Variants in MAGI3 observed in about 807,000 individuals in gnomAD.
MAGI3 encodes the protein membrane-associated guanylate kinase, WW and PDZ domain-containing protein 3.
In MAGI3, 43 loss-of-function variants were observed where a neutral mutation model predicts 121.8. That is an observed-to-expected ratio of 0.35 (90% confidence interval 0.28 to 0.46). MAGI3 has a LOEUF of 0.46. MAGI3 is among the 20% of genes least tolerant of loss of function. The probability of loss-of-function intolerance (pLI) is 1.00; values close to 1 mark genes in which losing one functional copy is unlikely to be tolerated. For synonymous variants in MAGI3, 553 were observed against 639.3 expected, an observed-to-expected ratio of 0.86 and a Z score of 2.04; for missense variants, 1,547 against 1,797.3, an observed-to-expected ratio of 0.86 and a Z score of 2.52.
At chr1:113,531,443 C>T (rs1427563382) in intron 1 of MAGI3, among the ~76,000 whole-genome samples, 1 of 152,132 alleles carries the variant, frequency 6.6e-6, no homozygotes, top group Admixed American at 6.5e-5. Flanking sequence ...TTCTACCACC[C>T]TACCTTTGGT....
chr1:113,614,050 G>T (rs191160549), intron 6 of MAGI3, among the ~76,000 whole-genome samples: 224 of 152,266 alleles, frequency 1.5e-3, no homozygotes, highest in African/African-American at 5.3e-3. Context: ...AAAGCACTGT[G>T]GTAGTTAGAT....
chr1:113,450,446 AG>A (rs773417345), intron 1 of MAGI3: 113 of 1,119,116 alleles, frequency 1.0e-4, no homozygotes, highest in Middle Eastern at 4.2e-4. Flanking sequence ...TGGTTATAGT[AG>A]TAGAGGGGGC....
At chr1:113,604,054 C>G (rs966662443) in intron 6 of MAGI3, among the ~76,000 whole-genome samples, 2 of 152,118 alleles carry the variant, frequency 1.3e-5, no homozygotes, top group African/African-American at 4.8e-5. Flanking sequence ...TTAGTACAGC[C>G]TCTATGGAAA....
chr1:113,455,982 G>A (rs1654733299), intron 1 of MAGI3, among the ~76,000 whole-genome samples: 1 of 150,500 alleles, frequency 6.6e-6, no homozygotes, highest in South Asian at 2.1e-4. Context: ...ATGGAGTCTT[G>A]CTCTGTCGCC....
intron 1 of MAGI3, among the ~76,000 whole-genome samples, chr1:113,521,375 C>G (rs1340488130): frequency 6.7e-6 from 1 of 149,442 alleles, no homozygotes; most frequent in African/African-American, 2.5e-5. Flanking sequence ...TGTGAGCCAC[C>G]ACGCCTGGCC....
At chr1:113,626,281 A>G (rs1181872429) in intron 9 of MAGI3, among the ~76,000 whole-genome samples, 1 of 152,188 alleles carries the variant, frequency 6.6e-6, no homozygotes, top group African/African-American at 2.4e-5. Context: ...ATTTGCATAT[A>G]TTGTACCATC....
At chr1:113,638,627 T>TCAG (rs1652215560) in intron 9 of MAGI3, among the ~76,000 whole-genome samples, 1 of 152,218 alleles carries the variant, frequency 6.6e-6, no homozygotes, top group Non-Finnish European at 1.5e-5. Flanking sequence ...ATGTGAGGTG[T>TCAG]CAGTCTGCCC....
At chr1:113,666,222 C>T (rs1428560883) in intron 16 of MAGI3, among the ~76,000 whole-genome samples, 1 of 152,148 alleles carries the variant, frequency 6.6e-6, no homozygotes, top group Non-Finnish European at 1.5e-5. Flanking sequence ...ATAAAGTCTG[C>T]CACATTGACT....
chr1:113,434,901 G>A (rs1653487561), intron 1 of MAGI3, among the ~76,000 whole-genome samples: 1 of 152,054 alleles, frequency 6.6e-6, no homozygotes, highest in Non-Finnish European at 1.5e-5. Context: ...GCAAGGCCTT[G>A]TTTTTTCATT....
intron 1 of MAGI3, among the ~76,000 whole-genome samples, chr1:113,418,831 A>G (rs973739252): frequency 6.6e-6 from 1 of 152,186 alleles, no homozygotes; most frequent in Non-Finnish European, 1.5e-5. Flanking sequence ...AAATTCCAAA[A>G]TATAATGACT....
rs199914933 is a variant in MAGI3 at position 113,653,840 on chromosome 1, C to T, written c.2451C>T (p.Pro817=). The change falls in exon 15 of 21, where the codon CCC becomes CCT. Residue 817 remains proline, a synonymous_variant. Transcript: ENST00000307546. The stretch of plus-strand genomic sequence containing the variant: ...TCATGTTTATTACAGAAAAACAACC[C>T]GAGGACGACAGCTCTCAGGCCTTCA... ...RRKIFYGEKQ[P]EDDSSQAFIS... 3.7e-5 allele frequency: 59 copies of T among 1,595,550 alleles called. No homozygotes were observed. The highest frequency in any genetic ancestry group is 4.7e-5 in the Non-Finnish European group (55 of 1,173,404).
intron 1 of MAGI3, among the ~76,000 whole-genome samples, chr1:113,401,689 C>T (rs947201848): frequency 4.6e-5 from 7 of 152,236 alleles, no homozygotes; most frequent in Non-Finnish European, 1.0e-4. Context: ...TTACTGAGAG[C>T]CTAGAAAATG....
chr1:113,488,509 G>A (rs1188541480), intron 1 of MAGI3, among the ~76,000 whole-genome samples: 2 of 152,160 alleles, frequency 1.3e-5, no homozygotes, highest in Admixed American at 6.5e-5. Context: ...TGTACTGGTA[G>A]ACCATGGGTG....
chr1:113,424,709 C>T (rs1468955810), intron 1 of MAGI3, among the ~76,000 whole-genome samples: 1 of 152,050 alleles, frequency 6.6e-6, no homozygotes, highest in Non-Finnish European at 1.5e-5. Flanking sequence ...CAGTTTTTGG[C>T]TATTATGAAT....
intron 19 of MAGI3, among the ~76,000 whole-genome samples, chr1:113,679,039 A>T (rs1648045191): frequency 6.6e-6 from 1 of 152,184 alleles, no homozygotes; most frequent in South Asian, 2.1e-4. Context: ...GCCATTGTCT[A>T]ATTTTTCTGT....
At chr1:113,674,382 A>G (rs1480138622) in intron 19 of MAGI3, among the ~76,000 whole-genome samples, 1 of 137,114 alleles carries the variant, frequency 7.3e-6, no homozygotes, top group Admixed American at 7.8e-5. Context: ...ACAAGAGCAA[A>G]ACTCCATTTA....
At chr1:113,671,561 A>C (rs1647551354) in intron 16 of MAGI3, among the ~76,000 whole-genome samples, 173 bp from the exon 17 acceptor site, 2 of 152,248 alleles carry the variant, frequency 1.3e-5, no homozygotes, top group East Asian at 3.8e-4. Flanking sequence ...AGCCACAGGG[A>C]AAAAGATGTT....
rs565769267 is a variant in MAGI3, at chr1:113,508,983, A to G, written c.317-40532A>G. 9.2e-5 allele frequency among the ~76,000 whole-genome samples: 14 copies of G among 152,308 alleles called. No individual in the cohort carries two copies. In the South Asian group the frequency reaches 2.9e-3, roughly 32 times the overall value. On this transcript the variant is annotated intron_variant, in intron 1 of 20. Transcript: ENST00000307546. Reference sequence around the variant, plus strand: ...GGGAAGAAATTATACAAAGTGAGTAAATGGTGGTATTATTTAGAAACCATT... The same window carrying G: ...GGGAAGAAATTATACAAAGTGAGTAGATGGTGGTATTATTTAGAAACCATT...
At chr1:113,472,496 G>A (rs1655589028) in intron 1 of MAGI3, among the ~76,000 whole-genome samples, 1 of 151,988 alleles carries the variant, frequency 6.6e-6, no homozygotes. Flanking sequence ...TAAAATAATT[G>A]TTGATAGGTA....
Sources: gnomAD v4.1 joint callset for allele counts (sites outside exome capture counted in the v4.1 genomes callset) on GRCh38, gnomAD v4.1.1 for gene constraint, MANE v1.5 for transcripts, NCBI Gene and HGNC (gene_info 2026-07-23, HGNC 2026-07-21) for gene names.